The following DCC variants were observed in gnomAD, a reference collection of about 807,000 sequenced individuals.
The protein encoded by DCC is DCC netrin 1 receptor, also known as netrin receptor DCC.
A neutral mutation model predicts 172.5 loss-of-function variants in DCC; 58 were observed. That is an observed-to-expected ratio of 0.34 (90% CI 0.27 to 0.42). The LOEUF is 0.42. Among genes scored for constraint, DCC ranks in the 10% least tolerant of loss-of-function variants. The pLI is 1.00. For synonymous variants in DCC, 709 were observed against 644.5 expected (o/e 1.10, Z -1.52); for missense variants, 1,740 against 1,791.0 (o/e 0.97, Z 0.51).
intron 4 of DCC, among the ~76,000 whole-genome samples, chr18:52,924,877 C>T (rs1197432864): frequency 6.6e-6 from 1 of 151,978 alleles, no homozygotes; most frequent in Non-Finnish European, 1.5e-5. Flanking sequence ...AATTGGATTT[C>T]AGGACACAGG....
intron 2 of DCC, among the ~76,000 whole-genome samples, chr18:52,789,418 A>G (rs1286125072): frequency 1.3e-5 from 2 of 152,184 alleles, no homozygotes; most frequent in African/African-American, 4.8e-5. Flanking sequence ...GGCTTTTTCT[A>G]GGAAAGCAAG....
chr18:53,517,456 A>ATAAT (rs1555682035), intron 27 of DCC, among the ~76,000 whole-genome samples: 1 of 147,534 alleles, frequency 6.8e-6, no homozygotes, highest in African/African-American at 2.5e-5. Flanking sequence ...AATAATAATA[A>ATAAT]TAATAATAAT....
At chr18:53,448,161 G>T (rs546734030) in intron 22 of DCC, among the ~76,000 whole-genome samples, 2 of 150,622 alleles carry the variant, frequency 1.3e-5, no homozygotes, top group South Asian at 4.2e-4. Context: ...TGTGAGAATA[G>T]GTTAATTTAG....
intron 1 of DCC, among the ~76,000 whole-genome samples, chr18:52,514,311 G>C (rs1325833746): frequency 1.3e-5 from 2 of 152,186 alleles, no homozygotes; most frequent in Non-Finnish European, 2.9e-5. Flanking sequence ...TTGCTGCTTA[G>C]ACATGGTTTT....
chr18:53,041,927 A>T (rs2042173992), intron 5 of DCC, among the ~76,000 whole-genome samples: 2 of 151,914 alleles, frequency 1.3e-5, no homozygotes. Context: ...AGATTTTCTA[A>T]ATATATAATC....
rs183356428 is a variant in DCC at position 52,765,769 on chromosome 18, A to G, written c.412+13395A>G. Among the ~76,000 whole-genome samples the G allele has an allele frequency of 2.0e-3, 310 of 152,302 alleles. 1 individual carries two copies. The highest frequency in any genetic ancestry group is 7.1e-3 in the African/African-American group (295 of 41,572). ...AGTTGTGTGGGGTAACACGGTGGTT[A>G]GGGACACAGGCTTCAGAGCTAGTCA... On this transcript the variant is annotated intron_variant, in intron 2 of 28. Transcript: ENST00000442544.
chr18:53,288,936 C>G (rs2056966430), intron 12 of DCC, among the ~76,000 whole-genome samples: 1 of 152,086 alleles, frequency 6.6e-6, no homozygotes, highest in Non-Finnish European at 1.5e-5. Flanking sequence ...TGCATATTAA[C>G]AGGCCACATT....
chr18:52,862,348 A>G (rs967660868), intron 2 of DCC, among the ~76,000 whole-genome samples: 1 of 152,176 alleles, frequency 6.6e-6, no homozygotes, highest in Non-Finnish European at 1.5e-5. Context: ...TACTTGATGA[A>G]AATAGGATCA....
At chr18:52,802,221 A>G (rs1255296613) in intron 2 of DCC, among the ~76,000 whole-genome samples, 1 of 152,172 alleles carries the variant, frequency 6.6e-6, no homozygotes, top group East Asian at 1.9e-4. Flanking sequence ...CAGATGAGGC[A>G]GTAGGTTGGA....
At chr18:53,347,008 C>G (rs2057733867) in intron 15 of DCC, among the ~76,000 whole-genome samples, 1 of 152,104 alleles carries the variant, frequency 6.6e-6, no homozygotes, top group Non-Finnish European at 1.5e-5. Flanking sequence ...GTTAAGTTTC[C>G]CAAGGCTTTG....
intron 14 of DCC, among the ~76,000 whole-genome samples, chr18:53,332,381 A>G (rs2057538864): frequency 6.6e-6 from 1 of 152,226 alleles, no homozygotes; most frequent in African/African-American, 2.4e-5. Context: ...ATGCAGTTAA[A>G]AATTACAAAA....
intron 2 of DCC, among the ~76,000 whole-genome samples, chr18:52,826,532 G>C (rs902530951): frequency 2.6e-5 from 4 of 152,040 alleles, no homozygotes; most frequent in Non-Finnish European, 5.9e-5. Flanking sequence ...AGGGGCTGGA[G>C]TGCAGTAGTG....
At chr18:52,599,421 C>T (rs141030583) in intron 1 of DCC, among the ~76,000 whole-genome samples, 2 of 152,224 alleles carry the variant, frequency 1.3e-5, no homozygotes, top group East Asian at 3.9e-4. Context: ...ATAGACAATA[C>T]AAAGGCAAGT....
At chr18:53,314,530 C>T (rs1014857447) in intron 13 of DCC, among the ~76,000 whole-genome samples, 7 of 152,156 alleles carry the variant, frequency 4.6e-5, no homozygotes, top group Admixed American at 4.6e-4. Context: ...CTGAATTTCT[C>T]ATCCAACAAA....
At chr18:53,335,401 T>C (rs922351021) in intron 14 of DCC, among the ~76,000 whole-genome samples, 5 of 152,200 alleles carry the variant, frequency 3.3e-5, no homozygotes, top group Non-Finnish European at 7.4e-5. Flanking sequence ...ACAACTAGTA[T>C]ATAGGAGATG....
intron 1 of DCC, among the ~76,000 whole-genome samples, chr18:52,624,393 C>G (rs922526945): frequency 3.3e-5 from 5 of 152,148 alleles, no homozygotes; most frequent in African/African-American, 1.2e-4. Context: ...TAAGCTTCAA[C>G]AGTTTTAAGA....
At chr18:52,796,051 G>T (rs1399563894) in intron 2 of DCC, among the ~76,000 whole-genome samples, 1 of 118,538 alleles carries the variant, frequency 8.4e-6, no homozygotes, top group Non-Finnish European at 1.8e-5. Context: ...GTTTTCTATA[G>T]GTACAGTTAC....
rs909885553 is a variant in DCC, at chr18:52,416,930, T to G, written c.91+76052T>G. Among the ~76,000 whole-genome samples the G allele has an allele frequency of 2.2e-3, 335 of 152,112 alleles. 3 individuals are homozygous for G. Among genetic ancestry groups the G allele is most frequent in the Non-Finnish European group, 1.4e-3 (95 of 67,942 alleles). On this transcript the variant is annotated intron_variant, in intron 1 of 28. Coordinates refer to ENST00000442544, the MANE Select transcript of DCC (RefSeq NM_005215.4). The stretch of plus-strand genomic sequence containing the variant: ...TCCTGTCATTATGATGTTAGCTGGT[T>G]ATTTTGCTCGTTAGTTGATGCAGTT...
At chr18:53,296,875 A>G (rs1282748750) in intron 12 of DCC, among the ~76,000 whole-genome samples, 1 of 152,206 alleles carries the variant, frequency 6.6e-6, no homozygotes, top group Non-Finnish European at 1.5e-5. Context: ...TACTTGCTGC[A>G]AGGACTTTCA....
Sources: allele counts gnomAD v4.1 joint callset (sites outside exome capture counted in the v4.1 genomes callset), GRCh38; gene constraint gnomAD v4.1.1; transcripts MANE v1.5; gene names NCBI Gene and HGNC (gene_info 2026-07-23, HGNC 2026-07-21).